The following SEMA3E variants were observed in gnomAD, a reference collection of about 807,000 sequenced individuals.
SEMA3E encodes semaphorin 3E.
SEMA3E carries 49 observed loss-of-function variants against 93.6 expected under a neutral mutation model. The ratio of observed to expected loss-of-function variants is 0.52; its 90% confidence interval spans 0.42 to 0.66. SEMA3E has a LOEUF of 0.66. Ranked by LOEUF, SEMA3E falls within the 30% of genes least tolerant of loss-of-function variation. The pLI is 0.00. For missense variants in SEMA3E, 906 were observed against 964.8 expected (o/e 0.94, Z 0.81); for synonymous variants, 363 against 330.7 (o/e 1.10, Z -1.06).
chr7:83,413,677 G>T (rs1489358493), intron 5 of SEMA3E, among the ~76,000 whole-genome samples: 1 of 152,188 alleles, frequency 6.6e-6, no homozygotes, highest in South Asian at 2.1e-4. Context: ...TAGGCATTTA[G>T]CTGTTGTTTG....
At chr7:83,385,454 C>T in intron 15 of SEMA3E, 21 bp from the exon 16 acceptor site, 1 of 1,612,090 alleles carries the variant, frequency 6.2e-7, no homozygotes, top group South Asian at 1.1e-5. Context: ...AACATTAATG[C>T]CATCTTTGAG....
intron 1 of SEMA3E, among the ~76,000 whole-genome samples, chr7:83,515,848 T>G (rs1790916789): frequency 6.6e-6 from 1 of 152,020 alleles, no homozygotes; most frequent in Admixed American, 6.6e-5. Flanking sequence ...GCCAACATGG[T>G]GAAACCACGT....
chr7:83,639,786 G>C (rs1198419806), intron 1 of SEMA3E, among the ~76,000 whole-genome samples: 1 of 151,316 alleles, frequency 6.6e-6, no homozygotes, highest in African/African-American at 2.4e-5. Context: ...AAAATATACT[G>C]TAGATTCAAA....
At chr7:83,519,914 G>A (rs1791009735) in intron 1 of SEMA3E, among the ~76,000 whole-genome samples, 1 of 152,092 alleles carries the variant, frequency 6.6e-6, no homozygotes, top group South Asian at 2.1e-4. Flanking sequence ...GTAGAACTAA[G>A]ACATGACTAG....
intron 1 of SEMA3E, among the ~76,000 whole-genome samples, chr7:83,575,734 T>C (rs1792387473): frequency 6.6e-6 from 1 of 152,196 alleles, no homozygotes; most frequent in Non-Finnish European, 1.5e-5. Context: ...CTTTGGTTTT[T>C]CTAGCTTTTG....
chr7:83,405,489 T>C lies in SEMA3E; in HGVS notation c.959A>G (p.His320Arg). The change falls in exon 9 of 17, where the codon CAT (histidine) becomes CGT (arginine). Residue 320 changes from histidine (H) to arginine (R), a missense_variant. Transcript: ENST00000643230. The part of the protein sequence containing the change: ...EDVFLLPTRD[H>R]KNPVIFGLFN... The stretch of plus-strand genomic sequence containing the variant: ...GAGTCCAAATATCACTGGATTCTTA[T>C]GATCTCTGGTAGGTAGCAAAAAAAC... 5.0e-6 allele frequency: 8 copies of C among 1,613,116 alleles called. No individual in the cohort carries two copies. The highest frequency in any genetic ancestry group is 5.9e-6 in the Non-Finnish European group (7 of 1,179,346).
At chr7:83,481,227 A>G (rs1790139341) in intron 2 of SEMA3E, among the ~76,000 whole-genome samples, 1 of 152,112 alleles carries the variant, frequency 6.6e-6, no homozygotes, top group Non-Finnish European at 1.5e-5. Flanking sequence ...CTTTCCAAGT[A>G]TTCTATCCAT....
chr7:83,402,651 G>A lies in SEMA3E; in HGVS notation c.1124C>T (p.Pro375Leu), dbSNP rs1231942834. 1.9e-6 allele frequency: 3 copies of A among 1,612,578 alleles called. No individual in the cohort carries two copies. In the South Asian group the frequency reaches 3.3e-5, roughly 18 times the overall value. Residue 375 changes from proline (P) to leucine (L), a missense_variant, in exon 10 of 17, where the codon CCT (proline) becomes CTT (leucine). Transcript: ENST00000643230. ...ACTTACAGAACCAGGCCTTGGATAA[G>A]GGACTTTTCCTTCATAGACTGACCA... ...YHWSVYEGKV[P>L]YPRPGSCASK...
intron 4 of SEMA3E, among the ~76,000 whole-genome samples, chr7:83,465,559 T>C (rs1029235650): frequency 6.6e-6 from 1 of 152,210 alleles, no homozygotes; most frequent in African/African-American, 2.4e-5. Context: ...TGGTGTTCTT[T>C]GTATGTGGTG....
At chr7:83,405,346 G>T in intron 9 of SEMA3E, 104 bp downstream of exon 9, 1 of 805,466 alleles carries the variant, frequency 1.2e-6, no homozygotes, top group Non-Finnish European at 2.1e-6. Context: ...AATGAGAAGA[G>T]CAACTGGGTC....
intron 7 of SEMA3E, 98 bp from the exon 8 acceptor site, chr7:83,406,157 T>A (rs1342726081): frequency 2.3e-6 from 2 of 874,100 alleles, no homozygotes; most frequent in Admixed American, 3.6e-5. Context: ...AGTTATGACT[T>A]TTTTATTTAA....
At chr7:83,442,319 C>T (rs1789131405) in intron 4 of SEMA3E, among the ~76,000 whole-genome samples, 1 of 152,148 alleles carries the variant, frequency 6.6e-6, no homozygotes, top group Non-Finnish European at 1.5e-5. Flanking sequence ...GATGCCGATC[C>T]TTTCCTTAGC....
In SEMA3E at chr7:83,419,748, T is replaced by C. The variant is rs1400855707; in HGVS notation, c.457-1265A>G. Among the ~76,000 whole-genome samples the C allele has an allele frequency of 2.1e-5, 3 of 143,326 alleles. No individual in the cohort carries two copies. The East Asian group carries it at 6.7e-4, about 32-fold the overall frequency. The allele number at this position is 143,326 out of a possible 152,430, so 94.0% of individuals were successfully genotyped here. A position where few individuals can be genotyped will look rare whatever the true frequency, so the allele number is the denominator to read the frequency against. On this transcript the variant is annotated intron_variant, in intron 4 of 16. Transcript: ENST00000643230. Reference sequence around the variant, plus strand: ...TCTTCTTTTTAGAAGTACCTGTTTATATCCTTCGTCCACTCTTTAATGGGG... The same window carrying C: ...TCTTCTTTTTAGAAGTACCTGTTTACATCCTTCGTCCACTCTTTAATGGGG...
intron 1 of SEMA3E, among the ~76,000 whole-genome samples, chr7:83,612,811 A>G (rs903585949): frequency 6.6e-6 from 1 of 152,156 alleles, no homozygotes; most frequent in Non-Finnish European, 1.5e-5. Context: ...GTAATTCCCC[A>G]ATAAGATCTC....
chr7:83,449,934 C>T (rs1490754247), intron 4 of SEMA3E, among the ~76,000 whole-genome samples: 4 of 152,110 alleles, frequency 2.6e-5, no homozygotes, highest in Non-Finnish European at 5.9e-5. Flanking sequence ...CTCATAAAAT[C>T]CCCCAACAAA....
In SEMA3E at chr7:83,483,126, A is replaced by T. The variant is rs1403742209; in HGVS notation, c.276+6988T>A. Among the ~76,000 whole-genome samples, 5 of 152,190 alleles carry T rather than the reference A, an allele frequency of 3.3e-5. No individual in the cohort carries two copies. The East Asian group carries it at 9.6e-4, about 29-fold the overall frequency. On this transcript the variant is annotated intron_variant, in intron 2 of 16. Coordinates refer to ENST00000643230, the MANE Select transcript of SEMA3E (RefSeq NM_012431.3). ...TCCCAACTCAGAAATCAGAAAAAAAAAAAAGTCATTATTGCATTAATCATT... is the reference window on the plus strand; with the variant it reads ...TCCCAACTCAGAAATCAGAAAAAAATAAAAGTCATTATTGCATTAATCATT...
At chr7:83,454,000 T>C (rs971736009) in intron 4 of SEMA3E, among the ~76,000 whole-genome samples, 5 of 151,826 alleles carry the variant, frequency 3.3e-5, no homozygotes, top group African/African-American at 1.2e-4. Flanking sequence ...GGTTCAAGCC[T>C]GTAATCCCAG....
At chr7:83,617,219 T>C (rs1793388735) in intron 1 of SEMA3E, among the ~76,000 whole-genome samples, 3 of 151,574 alleles carry the variant, frequency 2.0e-5, no homozygotes, top group South Asian at 4.1e-4. Context: ...TGTTCCTATA[T>C]AATCTTCATT....
chr7:83,457,816 A>G (rs12673948), intron 4 of SEMA3E, among the ~76,000 whole-genome samples: 16,607 of 152,112 alleles, frequency 0.11, 1,034 homozygotes, highest in Non-Finnish European at 0.14. Context: ...CCACCAACTT[A>G]TCCCAGTTTT....
Sources: gnomAD v4.1 joint callset for allele counts (sites outside exome capture counted in the v4.1 genomes callset) on GRCh38, gnomAD v4.1.1 for gene constraint, MANE v1.5 for transcripts, NCBI Gene and HGNC (gene_info 2026-07-23, HGNC 2026-07-21) for gene names.